TANGO6: variants seen among roughly 807,000 people sequenced by gnomAD.
The protein encoded by TANGO6 is transport and golgi organization 6 homolog.
Under a neutral mutation model 114.2 loss-of-function variants are expected in TANGO6, and 90 were observed. The ratio of observed to expected loss-of-function variants is 0.79; its 90% CI spans 0.66 to 0.94. The LOEUF (loss-of-function observed/expected upper bound fraction) is 0.94, where lower values mean the gene tolerates loss of function less well. Among genes scored for constraint, TANGO6 ranks in the 40% least tolerant of loss-of-function variants. TANGO6 has a pLI of 0.00. For synonymous variants in TANGO6, 477 were observed against 509.8 expected (o/e 0.94, Z 0.87); for missense variants, 1,274 against 1,315.3 (o/e 0.97, Z 0.49).
In TANGO6 at chr16:68,860,223, T is replaced by C. The variant is rs750959239; in HGVS notation, c.434T>C (p.Val145Ala). Residue 145 changes from valine (V) to alanine (A), a missense_variant, in exon 2 of 18, where the codon GTC becomes GCC. By Grantham distance (64) the Val-to-Ala change is moderately conservative (BLOSUM62 0). This residue lies in a region of TANGO6 where 908 missense variants were observed against 910.2 expected (regional missense o/e 1.00). Transcript: ENST00000261778. ...CTTAGTATCTCACAACAGAAGACTG[T>C]CCAGTTCGTTTTGCAGTTTGTAGTT... is the stretch of plus-strand genomic sequence containing the variant. ...DALSISQQKT[V>A]QFVLQFVVTL... The C allele has an allele frequency of 1.2e-6, 2 of 1,614,030 alleles. 1 individual carries two copies. Among genetic ancestry groups the C allele is most frequent in the South Asian group, 2.2e-5 (2 of 91,086 alleles).
rs1332646683 is a variant in TANGO6 at position 68,859,971 on chromosome 16, T to A, written c.182T>A (p.Phe61Tyr). The A allele has an allele frequency of 6.2e-7, 1 of 1,613,424 alleles. No homozygotes were observed. Among genetic ancestry groups the A allele is most frequent in the Non-Finnish European group, 8.5e-7 (1 of 1,179,408 alleles). Residue 61 changes from phenylalanine to tyrosine, a missense_variant, in exon 2 of 18, where the codon TTT becomes TAT. This residue lies in a region of TANGO6 where 114 missense variants were observed against 104.6 expected (regional missense o/e 1.09). Transcript: ENST00000261778. Reference sequence around the variant, plus strand: ...AACCTGTCTGCTTTGGAGGACAAGTTTCTGAAGGATCCTCAGTGGAAGAAT... The same window carrying A: ...AACCTGTCTGCTTTGGAGGACAAGTATCTGAAGGATCCTCAGTGGAAGAAT... ...KSNLSALEDK[F>Y]LKDPQWKNLK...
intron 1 of TANGO6, chr16:68,846,502 CTT>C (rs111404781): frequency 3.9e-3 from 1,204 of 307,684 alleles, no homozygotes; most frequent in Non-Finnish European, 4.7e-3. Flanking sequence ...ACGATTCTTT[CTT>C]TTTTTTTTTT....
intron 16 of TANGO6, among the ~76,000 whole-genome samples, chr16:69,025,247 G>T (rs1184233669): frequency 1.3e-5 from 2 of 152,328 alleles, no homozygotes; most frequent in Admixed American, 1.3e-4. Flanking sequence ...GATAAATGAG[G>T]ATACACTGGA....
At chr16:68,881,251 C>T (rs140470608) in intron 7 of TANGO6, among the ~76,000 whole-genome samples, 9 of 152,322 alleles carry the variant, frequency 5.9e-5, no homozygotes, top group African/African-American at 1.9e-4. Context: ...TGGTGGCTCA[C>T]GCCTGTCATC....
chr16:68,860,214 A>G lies in TANGO6; in HGVS notation c.425A>G (p.Gln142Arg), dbSNP rs1567525471. 1 of 1,613,900 alleles carries G rather than the reference A, an allele frequency of 6.2e-7. No homozygotes were observed. Among genetic ancestry groups the G allele is most frequent in the Non-Finnish European group, 8.5e-7 (1 of 1,179,904 alleles). Reference protein sequence around the residue: ...LSPDALSISQQKTVQFVLQFV... With the variant: ...LSPDALSISQRKTVQFVLQFV... ...CCCGATGCACTTAGTATCTCACAACAGAAGACTGTCCAGTTCGTTTTGCAG... is the reference window on the plus strand; with the variant it reads ...CCCGATGCACTTAGTATCTCACAACGGAAGACTGTCCAGTTCGTTTTGCAG... Residue 142 changes from glutamine to arginine, a missense_variant, in exon 2 of 18, where the codon CAG (glutamine) becomes CGG (arginine). By Grantham distance (43) the Gln-to-Arg change is conservative. Around this residue, in one of 5 missense-constraint regions of TANGO6, gnomAD observed 908 missense variants for 910.2 expected, o/e 1.00. Coordinates refer to ENST00000261778, the MANE Select transcript of TANGO6 (RefSeq NM_024562.2).
intron 4 of TANGO6, among the ~76,000 whole-genome samples, chr16:68,872,913 G>A (rs990711670): frequency 6.6e-6 from 1 of 151,402 alleles, no homozygotes. Context: ...ATGTTGGCCC[G>A]GCTGGTCTCA....
intron 15 of TANGO6, among the ~76,000 whole-genome samples, chr16:68,985,912 T>G (rs1458839891): frequency 6.6e-6 from 1 of 152,120 alleles, no homozygotes; most frequent in Non-Finnish European, 1.5e-5. Flanking sequence ...ATAAACTAAA[T>G]GTTTAACCCT....
intron 9 of TANGO6, among the ~76,000 whole-genome samples, chr16:68,905,855 G>A (rs1317515723): frequency 6.6e-6 from 1 of 151,890 alleles, no homozygotes; most frequent in Admixed American, 6.6e-5. Flanking sequence ...CCTAGGCAAT[G>A]AGTGAGACCC....
chr16:69,033,393 A>T (rs1489203469), intron 16 of TANGO6, among the ~76,000 whole-genome samples: 1 of 152,172 alleles, frequency 6.6e-6, no homozygotes, highest in Non-Finnish European at 1.5e-5. Flanking sequence ...GCTAGAAGAC[A>T]CAAATAAAGG....
chr16:68,921,453 C>T (rs1455630840), intron 12 of TANGO6, among the ~76,000 whole-genome samples: 2 of 151,930 alleles, frequency 1.3e-5, no homozygotes, highest in African/African-American at 4.8e-5. Flanking sequence ...CAAAGTGTTA[C>T]AGGCATGAGC....
intron 15 of TANGO6, 107 bp downstream of exon 15, chr16:68,974,275 G>C (rs1261405461): frequency 7.5e-7 from 1 of 1,327,154 alleles, no homozygotes; most frequent in African/African-American, 1.4e-5. Context: ...GGTGAGGGTA[G>C]TTTGAGGGCT....
rs746288351 is a variant in TANGO6, at chr16:68,919,156, G to A, written c.2064G>A (p.Val688=). The change falls in exon 12 of 18, where the codon GTG becomes GTA. Residue 688 remains valine (V), a synonymous_variant. Coordinates refer to ENST00000261778, the MANE Select transcript of TANGO6 (RefSeq NM_024562.2). ...ASLAHQAEST[V]ESQTLSMSMG... ...TGGCCCATCAGGCAGAGAGCACCGT[G>A]GAATCACAGACGCTGAGCATGTCCA... 6.2e-7 allele frequency: 1 copy of A among 1,612,960 alleles called. No individual in the cohort carries two copies. The highest frequency in any genetic ancestry group is 8.5e-7 in the Non-Finnish European group (1 of 1,179,592).
chr16:68,886,603 G>T (rs978555098), intron 7 of TANGO6, among the ~76,000 whole-genome samples: 1 of 152,034 alleles, frequency 6.6e-6, no homozygotes, highest in African/African-American at 2.4e-5. Flanking sequence ...CCGCCTCTTG[G>T]GTTCAAGCAA....
chr16:68,956,812 C>T (rs1963534048), intron 14 of TANGO6, among the ~76,000 whole-genome samples: 1 of 152,042 alleles, frequency 6.6e-6, no homozygotes, highest in African/African-American at 2.4e-5. Flanking sequence ...GAGATTGCGC[C>T]ACTGCACTCC....
chr16:69,038,249 G>T (rs1567563445), intron 16 of TANGO6, among the ~76,000 whole-genome samples: 1 of 152,026 alleles, frequency 6.6e-6, no homozygotes, highest in Non-Finnish European at 1.5e-5. Flanking sequence ...CCAACACGGT[G>T]AAACCCTGCC....
At chr16:68,887,166 C>T (rs1165560607) in intron 7 of TANGO6, among the ~76,000 whole-genome samples, 1 of 152,168 alleles carries the variant, frequency 6.6e-6, no homozygotes, top group East Asian at 1.9e-4. Context: ...TTATAATCCC[C>T]AACCTGTTCC....
chr16:68,987,459 C>T (rs540910296), intron 15 of TANGO6, among the ~76,000 whole-genome samples: 7 of 152,262 alleles, frequency 4.6e-5, no homozygotes, highest in African/African-American at 1.4e-4. Flanking sequence ...GCCTCTGCCT[C>T]CTGGATTCAA....
chr16:69,057,800 G>A (rs570620764), intron 17 of TANGO6, among the ~76,000 whole-genome samples: 1 of 152,116 alleles, frequency 6.6e-6, no homozygotes, highest in African/African-American at 2.4e-5. Flanking sequence ...TGACCTCCCG[G>A]GACCTGCCAA....
intron 17 of TANGO6, among the ~76,000 whole-genome samples, chr16:69,078,196 C>T (rs993229449): frequency 1.4e-4 from 21 of 152,152 alleles, no homozygotes; most frequent in Non-Finnish European, 2.5e-4. Flanking sequence ...GAAAGAAGGC[C>T]GGCACAGCTG....
Sources: gnomAD v4.1 joint callset for allele counts (sites outside exome capture counted in the v4.1 genomes callset) on GRCh38, gnomAD v4.1.1 for gene constraint, gnomAD v4.1.1 regional missense constraint, MANE v1.5 for transcripts, NCBI Gene and HGNC (gene_info 2026-07-23, HGNC 2026-07-21) for gene names.